The following DLG2 variants were observed in gnomAD, a reference collection of about 807,000 sequenced individuals.
DLG2 encodes disks large homolog 2.
DLG2 carries 45 observed loss-of-function variants against 132.5 expected under a neutral mutation model. That is an observed-to-expected ratio of 0.34 (90% CI 0.27 to 0.44). The LOEUF (loss-of-function observed/expected upper bound fraction) is 0.44, where lower values mean the gene tolerates loss of function less well. Ranked by LOEUF, DLG2 falls within the 20% of genes least tolerant of loss-of-function variation. The pLI, the probability that DLG2 is intolerant of heterozygous loss-of-function variation, is 1.00. For missense variants in DLG2, 1,045 were observed against 1,196.9 expected, an observed-to-expected ratio of 0.87 and a Z score of 1.87; for synonymous variants, 424 against 419.6, an observed-to-expected ratio of 1.01 and a Z score of -0.13.
chr11:84,672,458 T>A (rs1027261672), intron 6 of DLG2, among the ~76,000 whole-genome samples: 1 of 152,142 alleles, frequency 6.6e-6, no homozygotes, highest in African/African-American at 2.4e-5. Flanking sequence ...AAACCTAACA[T>A]ATTTTTAATA....
intron 4 of DLG2, among the ~76,000 whole-genome samples, chr11:85,273,640 C>T (rs1378732198): frequency 1.3e-5 from 2 of 152,178 alleles, no homozygotes; most frequent in Non-Finnish European, 2.9e-5. Flanking sequence ...AATAGGAACA[C>T]TTTTACACTG....
chr11:84,101,907 C>T (rs1014395389), intron 9 of DLG2, among the ~76,000 whole-genome samples: 6 of 152,110 alleles, frequency 3.9e-5, no homozygotes, highest in Non-Finnish European at 8.8e-5. Context: ...GAAAGATATT[C>T]GTGATCTAAC....
intron 3 of DLG2, among the ~76,000 whole-genome samples, chr11:85,530,282 C>T (rs1259773194): frequency 6.6e-6 from 1 of 151,472 alleles, no homozygotes. Flanking sequence ...AAGTGTAAGC[C>T]ACTGCGCCTG....
At chr11:85,395,732 T>G (rs1414410186) in intron 3 of DLG2, among the ~76,000 whole-genome samples, 1 of 28,296 alleles carries the variant, frequency 3.5e-5, no homozygotes, top group Non-Finnish European at 1.3e-4. Context: ...GAGGCTTGAG[T>G]AGCTCACAGT....
At chr11:83,723,841 G>C (rs1430233208) in intron 18 of DLG2, among the ~76,000 whole-genome samples, 1 of 152,044 alleles carries the variant, frequency 6.6e-6, no homozygotes, top group Non-Finnish European at 1.5e-5. Flanking sequence ...GGGTGAAAGA[G>C]TGAGATCACA....
At chr11:84,940,621 G>A (rs1426695380) in intron 6 of DLG2, among the ~76,000 whole-genome samples, 1 of 152,112 alleles carries the variant, frequency 6.6e-6, no homozygotes. Context: ...TATATATTCT[G>A]TCTCTTAATC....
At chr11:83,799,555 A>G (rs73515120) in intron 17 of DLG2, among the ~76,000 whole-genome samples, 2,088 of 152,286 alleles carry the variant, frequency 0.014, 54 homozygotes, top group African/African-American at 0.048. Context: ...ACAGAGGAAG[A>G]TTCTATGCAG....
chr11:83,884,915 A>G (rs2067387553), intron 15 of DLG2, among the ~76,000 whole-genome samples: 1 of 152,360 alleles, frequency 6.6e-6, no homozygotes, highest in Admixed American at 6.5e-5. Flanking sequence ...ACTAACAAAC[A>G]GAAAGGATAT....
intron 9 of DLG2, among the ~76,000 whole-genome samples, chr11:84,150,426 T>C (rs2095257326): frequency 6.6e-6 from 1 of 152,248 alleles, no homozygotes; most frequent in Admixed American, 6.5e-5. Context: ...TTTTATATAC[T>C]GAAACTTTAC....
chr11:84,360,088 G>C (rs527768357), intron 7 of DLG2, among the ~76,000 whole-genome samples: 1 of 151,770 alleles, frequency 6.6e-6, no homozygotes, highest in Non-Finnish European at 1.5e-5. Flanking sequence ...GCAATCAATC[G>C]TGCAGGTGAA....
chr11:83,816,878 T>C (rs1413943046), intron 17 of DLG2, among the ~76,000 whole-genome samples: 1 of 152,218 alleles, frequency 6.6e-6, no homozygotes, highest in Non-Finnish European at 1.5e-5. Flanking sequence ...ATTCTTCAAG[T>C]TTGGTTAGGT....
chr11:85,407,572 G>A (rs1486075234), intron 3 of DLG2, among the ~76,000 whole-genome samples: 2 of 151,794 alleles, frequency 1.3e-5, no homozygotes, highest in Non-Finnish European at 2.9e-5. Flanking sequence ...GAATTTGAGT[G>A]CAATTTGCTT....
intron 6 of DLG2, among the ~76,000 whole-genome samples, chr11:84,585,399 C>A (rs1349399767): frequency 6.6e-6 from 1 of 152,168 alleles, no homozygotes; most frequent in African/African-American, 2.4e-5. Context: ...TGAAACCACA[C>A]TGTCATCAGA....
At chr11:85,005,706 A>T (rs2154132775) in intron 6 of DLG2, among the ~76,000 whole-genome samples, 1 of 152,254 alleles carries the variant, frequency 6.6e-6, no homozygotes, top group East Asian at 1.9e-4. Context: ...TTCCTATTTG[A>T]ATACCTTTTA....
At chr11:84,726,948 T>C (rs753387079) in intron 6 of DLG2, among the ~76,000 whole-genome samples, 13 of 152,182 alleles carry the variant, frequency 8.5e-5, no homozygotes, top group Admixed American at 2.6e-4. Context: ...TTTGATAGGG[T>C]TGTTGCCTTG....
intron 4 of DLG2, among the ~76,000 whole-genome samples, chr11:85,282,263 G>A (rs550986298): frequency 8.0e-4 from 121 of 151,920 alleles, no homozygotes; most frequent in African/African-American, 2.6e-3. Flanking sequence ...CAAAAATACA[G>A]TTAGATAGAA....
chr11:84,737,611 T>C (rs1238753862), intron 6 of DLG2, among the ~76,000 whole-genome samples: 1 of 151,808 alleles, frequency 6.6e-6, no homozygotes, highest in African/African-American at 2.4e-5. Context: ...TTATATTGCA[T>C]TTCAAGAAGA....
At chr11:83,608,105 A>G (rs979062265) in intron 19 of DLG2, among the ~76,000 whole-genome samples, 2 of 152,186 alleles carry the variant, frequency 1.3e-5, no homozygotes, top group Non-Finnish European at 2.9e-5. Context: ...TTCAGTGTAT[A>G]TACAGATGCT....
At chr11:84,812,152 A>T (rs1231224120) in intron 6 of DLG2, among the ~76,000 whole-genome samples, 1 of 152,308 alleles carries the variant, frequency 6.6e-6, no homozygotes, top group East Asian at 1.9e-4. Flanking sequence ...GCAGCACCTC[A>T]AATATTTATT....
Sources: gnomAD v4.1 joint callset for allele counts (sites outside exome capture counted in the v4.1 genomes callset) on GRCh38, gnomAD v4.1.1 for gene constraint, MANE v1.5 for transcripts, NCBI Gene and HGNC (gene_info 2026-07-23, HGNC 2026-07-21) for gene names.